The following NRP2 variants were observed in gnomAD, a reference collection of about 807,000 sequenced individuals.
NRP2 encodes neuropilin-2.
Under a neutral mutation model 110.4 loss-of-function variants are expected in NRP2, and 52 were observed. The ratio of observed to expected loss-of-function variants is 0.47; its 90% CI spans 0.38 to 0.59. The LOEUF (loss-of-function observed/expected upper bound fraction) is 0.59, where lower values mean the gene tolerates loss of function less well. Ranked by LOEUF, NRP2 falls within the 20% of genes least tolerant of loss-of-function variation. NRP2 has a pLI of 0.00. For missense variants in NRP2, 1,049 were observed against 1,203.0 expected, an observed-to-expected ratio of 0.87 and a Z score of 1.89; for synonymous variants, 508 against 468.9, an observed-to-expected ratio of 1.08 and a Z score of -1.08.
At chr2:205,740,443 C>G (rs994087002) in intron 7 of NRP2, 76 bp from the exon 8 acceptor site, 24 of 1,503,642 alleles carry the variant, frequency 1.6e-5, no homozygotes, top group Non-Finnish European at 1.9e-5. Flanking sequence ...ACTTTCCCAT[C>G]CCCTTCAAAG....
At chr2:205,772,796 T>C (rs973341498) in intron 15 of NRP2, among the ~76,000 whole-genome samples, 4 of 152,194 alleles carry the variant, frequency 2.6e-5, no homozygotes, top group Non-Finnish European at 5.9e-5. Context: ...AAGCTAAAAT[T>C]GCACAACTCA....
intron 3 of NRP2, among the ~76,000 whole-genome samples, chr2:205,719,779 A>C (rs2105802469): frequency 6.6e-6 from 1 of 152,268 alleles, no homozygotes; most frequent in East Asian, 1.9e-4. Context: ...ATGTCTTGAT[A>C]CCTATAGATT....
intron 7 of NRP2, among the ~76,000 whole-genome samples, chr2:205,734,458 AAATT>A (rs1474078962): frequency 7.0e-6 from 1 of 142,074 alleles, no homozygotes; most frequent in Non-Finnish European, 1.5e-5. Flanking sequence ...TTTGTGCAAC[AAATT>A]AATTAAACAG....
chr2:205,763,207 A>C lies in NRP2; in HGVS notation c.2045-467A>C, dbSNP rs2057852939. ...ATGGCCAGGGCTGGAAGCATCAACCACCTGGTCATAGTCACCCTCCAATCT... is the reference window on the plus strand; with the variant it reads ...ATGGCCAGGGCTGGAAGCATCAACCCCCTGGTCATAGTCACCCTCCAATCT... On this transcript the variant is annotated intron_variant, in intron 12 of 16. Transcript: ENST00000357785. This position sits in a 1 kb window ranked among gnomAD's most constrained non-coding sequence, Gnocchi z 4.0. 6.6e-6 allele frequency among the ~76,000 whole-genome samples: 1 copy of C among 151,958 alleles called. No homozygotes were observed. The highest frequency in any genetic ancestry group is 6.6e-5 in the Admixed American group (1 of 15,260).
Position 205,683,234 on chromosome 2 carries a change from A to G in NRP2, c.-57A>G. On this transcript the variant is annotated 5_prime_UTR_variant, in exon 1 of 17. Coordinates refer to ENST00000357785, the MANE Select transcript of NRP2 (RefSeq NM_003872.3). ...AGGAAAATAAAAGAGAGAAAAACAC[A>G]AAGATTTAAACAAGAAACCTACGAA... The G allele has an allele frequency of 1.6e-6, 2 of 1,283,648 alleles. No homozygotes were observed. Among genetic ancestry groups the G allele is most frequent in the Non-Finnish European group, 2.3e-6 (2 of 884,308 alleles). The allele number at this position is 1,283,648 out of a possible 1,614,324, so 79.5% of individuals were successfully genotyped here.
At chr2:205,783,136 G>T (rs560881583) in intron 15 of NRP2, among the ~76,000 whole-genome samples, 2 of 152,310 alleles carry the variant, frequency 1.3e-5, no homozygotes, top group South Asian at 4.1e-4. Context: ...CAGTGGGTGT[G>T]TTGCTTGCAA....
At chr2:205,690,197 A>G (rs1326631053) in intron 1 of NRP2, among the ~76,000 whole-genome samples, 1 of 152,226 alleles carries the variant, frequency 6.6e-6, no homozygotes, top group Non-Finnish European at 1.5e-5. Context: ...GAGAAAAAAT[A>G]AAACAGATGT....
rs182569071 is a variant in NRP2, at chr2:205,790,815, C to T, written c.2426-1420C>T. ...CCTGGAGGAGAATGCAGGGAATGGG[C>T]GTTGAGGTGGGGAGGCTGGCGTGGC... On this transcript the variant is annotated intron_variant, in intron 15 of 16. Transcript: ENST00000357785. Among the ~76,000 whole-genome samples the T allele has an allele frequency of 2.6e-5, 4 of 152,188 alleles. No individual in the cohort carries two copies. In the East Asian group the frequency reaches 7.7e-4, roughly 29 times the overall value.
chr2:205,777,022 G>A (rs978938824), intron 15 of NRP2: 11 of 1,025,094 alleles, frequency 1.1e-5, no homozygotes, highest in African/African-American at 1.7e-5. Flanking sequence ...GTGTTTGGGC[G>A]AGGGGTGAGT....
At chr2:205,764,063 C>A in intron 13 of NRP2, 127 bp downstream of exon 13, 1 of 1,158,976 alleles carries the variant, frequency 8.6e-7, no homozygotes, top group Non-Finnish European at 1.2e-6. Context: ...GCCATGGCAA[C>A]TGAATGACAC....
chr2:205,684,460 G>A (rs1055677059), intron 1 of NRP2, among the ~76,000 whole-genome samples: 6 of 152,168 alleles, frequency 3.9e-5, no homozygotes, highest in African/African-American at 1.4e-4. Context: ...AGGCGATGGC[G>A]GCAGTGGTAG....
chr2:205,724,341 G>A (rs2105816760), intron 5 of NRP2, among the ~76,000 whole-genome samples: 1 of 152,170 alleles, frequency 6.6e-6, no homozygotes, highest in South Asian at 2.1e-4. Flanking sequence ...AGGGGCAATT[G>A]TCACAAAAGT....
chr2:205,776,948 A>ATG (rs1164423313), intron 15 of NRP2: 7 of 1,139,840 alleles, frequency 6.1e-6, no homozygotes, highest in African/African-American at 4.8e-5. Context: ...CATAGTAGAC[A>ATG]TGTGTGTGTG....
chr2:205,707,420 C>A, intron 2 of NRP2, among the ~76,000 whole-genome samples: 1 of 152,144 alleles, frequency 6.6e-6, no homozygotes, highest in Non-Finnish European at 1.5e-5. Context: ...ACAGTAGTGA[C>A]AAGTTTGCCC....
At chr2:205,719,190 G>A (rs2056962036) in intron 3 of NRP2, among the ~76,000 whole-genome samples, 1 of 152,156 alleles carries the variant, frequency 6.6e-6, no homozygotes, top group Admixed American at 6.5e-5. Context: ...TTCATAGAGA[G>A]GAAGAAGCGG....
intron 7 of NRP2, among the ~76,000 whole-genome samples, chr2:205,728,289 CAG>C (rs2057169392): frequency 6.6e-6 from 1 of 152,346 alleles, no homozygotes; most frequent in African/African-American, 2.4e-5. Context: ...AGAGAGCTTG[CAG>C]AGTGTTCTCT....
intron 16 of NRP2, 47 bp from the exon 17 acceptor site, chr2:205,794,707 T>C: frequency 6.3e-7 from 1 of 1,599,084 alleles, no homozygotes; most frequent in Non-Finnish European, 8.6e-7. Flanking sequence ...CACTTCACCC[T>C]GACATAGGCA....
rs748080357 is a variant in NRP2 at position 205,683,391 on chromosome 2, T to C, written c.73+28T>C. The C allele has an allele frequency of 2.6e-6, 4 of 1,547,496 alleles. No homozygotes were observed. In the Admixed American group the frequency reaches 5.0e-5, roughly 19 times the overall value. On this transcript the variant is annotated intron_variant, in intron 1 of 16. Transcript: ENST00000357785. ...AAGCCACTGAAAGTTTTTCTATTTA[T>C]TGCAACATGGTTTCCCCTTTAAAAG...
intron 15 of NRP2, among the ~76,000 whole-genome samples, chr2:205,770,383 AG>A (rs1438424643): frequency 3.9e-5 from 6 of 152,096 alleles, no homozygotes; most frequent in South Asian, 2.1e-4. Flanking sequence ...GTATTAAGAG[AG>A]GCCCATTTTG....
Sources: gnomAD v4.1 joint callset for allele counts (sites outside exome capture counted in the v4.1 genomes callset) on GRCh38, gnomAD v4.1.1 for gene constraint, Gnocchi (gnomAD v3.1) non-coding constraint, MANE v1.5 for transcripts, NCBI Gene and HGNC (gene_info 2026-07-23, HGNC 2026-07-21) for gene names.